EVC2: variants seen among roughly 807,000 people sequenced by gnomAD.
EVC2 encodes the protein limbin.
EVC2 carries 148 observed loss-of-function variants against 149.3 expected under a neutral mutation model. The observed-to-expected ratio is 0.99, with a 90% CI of 0.87 to 1.14. EVC2 has a LOEUF of 1.14. EVC2 is among the 50% of genes most tolerant of loss of function. EVC2 has a pLI of 0.00. For synonymous variants in EVC2, 776 were observed against 649.9 expected (o/e 1.19, Z -2.95); for missense variants, 1,854 against 1,627.3 (o/e 1.14, Z -2.40).
rs1720684917 is a variant in EVC2, at chr4:5,686,078, TACACACACATATATATTACAC to T, written c.707-620_707-600del. On this transcript the variant is annotated intron_variant, in intron 5 of 21. Coordinates refer to ENST00000344408, the MANE Select transcript of EVC2 (RefSeq NM_147127.5). This position sits in a 1 kb window ranked among gnomAD's most constrained non-coding sequence, Gnocchi z 5.4. Reference sequence around the variant, plus strand: ...TATATACACACATATATAACATATATACACACACATATATATTACACACACACACACACACACACACACACA... The same window carrying T: ...TATATACACACATATATAACATATATACACACACACACACACACACACACA... 7.6e-6 allele frequency among the ~76,000 whole-genome samples: 1 copy of T among 132,128 alleles called. No homozygotes were observed. Among genetic ancestry groups the T allele is most frequent in the Non-Finnish European group, 1.6e-5 (1 of 63,340 alleles). 86.7% of individuals were successfully genotyped at this position (132,128 alleles called of 152,430 possible).
At chr4:5,645,247 C>G (rs1435662241) in intron 9 of EVC2, among the ~76,000 whole-genome samples, 9 of 89,516 alleles carry the variant, frequency 1.0e-4, no homozygotes, top group African/African-American at 4.2e-4. Context: ...TAACATCCAC[C>G]TCTTTTTTTT....
chr4:5,636,484 A>G lies in EVC2; in HGVS notation c.1470+4030T>C, dbSNP rs967002288. Among the ~76,000 whole-genome samples, 17 of 152,136 alleles carry G rather than the reference A, an allele frequency of 1.1e-4. No individual in the cohort carries two copies. Among genetic ancestry groups the G allele is most frequent in the Admixed American group, 1.1e-3 (17 of 15,286 alleles). ...AACAACATTCCCTAAACTATTTTTT[A>G]TGCATTTATACAAACTATTTATAAC... is the stretch of plus-strand genomic sequence containing the variant. On this transcript the variant is annotated intron_variant, in intron 10 of 21. Coordinates refer to ENST00000344408, the MANE Select transcript of EVC2 (RefSeq NM_147127.5). This position sits in a 1 kb window ranked among gnomAD's most constrained non-coding sequence, Gnocchi z 4.6.
At chr4:5,708,626 G>T, upstream of EVC2, 1 of 745,954 alleles carries the variant, frequency 1.3e-6, no homozygotes, top group Non-Finnish European at 1.9e-6. Flanking sequence ...GCCGCCGAAA[G>T]TTTTCTGGAA....
chr4:5,535,768 G>A, the EVC2 span, among the ~76,000 whole-genome samples: 9 of 152,148 alleles, frequency 5.9e-5, no homozygotes, highest in Non-Finnish European at 7.3e-5. This position sits in a 1 kb window ranked among gnomAD's most constrained non-coding sequence, Gnocchi z 4.7. Context: ...TTAGGGGCTG[G>A]GGCTTTAACA....
chr4:5,556,271 G>C (rs1305416470), intron 21 of EVC2, among the ~76,000 whole-genome samples: 1 of 142,282 alleles, frequency 7.0e-6, no homozygotes, highest in African/African-American at 2.7e-5. Context: ...AATTAAACTA[G>C]AAATCAATAA....
rs1377657144 is a variant in EVC2 at position 5,562,606 on chromosome 4, G to A, written c.*242C>T. ...GTGGGGGTCTCCTCCAGGGCCCTGG[G>A]GAGGTGGGGCTGAAAGAAGGAGTGT... is the stretch of plus-strand genomic sequence containing the variant. On this transcript the variant is annotated 3_prime_UTR_variant, in exon 22 of 22. Transcript: ENST00000344408. The surrounding 1 kb of genome is among the most constrained non-coding windows in gnomAD (Gnocchi z 4.3). 7.2e-7 allele frequency: 1 copy of A among 1,393,666 alleles called. No homozygotes were observed. Among genetic ancestry groups the A allele is most frequent in the African/African-American group, 1.5e-5 (1 of 68,878 alleles). The allele number at this position is 1,393,666 out of a possible 1,614,324, so 86.3% of individuals were successfully genotyped here.
chr4:5,680,355 A>G (rs762547252), intron 7 of EVC2, among the ~76,000 whole-genome samples: 1 of 152,188 alleles, frequency 6.6e-6, no homozygotes, highest in Non-Finnish European at 1.5e-5. Context: ...AGTAGGTTTC[A>G]CACCAGAATC....
At chr4:5,688,771 A>G (rs976180487) in intron 5 of EVC2, among the ~76,000 whole-genome samples, 4 of 152,272 alleles carry the variant, frequency 2.6e-5, no homozygotes, top group African/African-American at 9.6e-5. Context: ...AACCCAAAAC[A>G]AACTCTTCAT....
chr4:5,671,140 C>T (rs75081975), intron 7 of EVC2, among the ~76,000 whole-genome samples: 12,162 of 152,180 alleles, frequency 0.08, 567 homozygotes, highest in African/African-American at 0.12. Context: ...ATTTTAACCA[C>T]CACTTTATAA....
rs190183816 is a variant in EVC2 at position 5,545,320 on chromosome 4, T to C, written c.3420-2108A>G. ...TCCACTTTCAGGCCAGGGAAGTCAG[T>C]ATGGTGTGTTAGAAAGAACACAGGC... On this transcript the variant is annotated intron_variant and NMD_transcript_variant, in intron 21 of 22. Transcript: ENST00000475313. Among the ~76,000 whole-genome samples the C allele has an allele frequency of 2.1e-4, 32 of 152,184 alleles. No homozygotes were observed. In the East Asian group the frequency reaches 5.4e-3, roughly 26 times the overall value.
At chr4:5,685,309 A>G (rs1332969741) in intron 6 of EVC2, 61 bp downstream of exon 6, 2 of 1,511,314 alleles carry the variant, frequency 1.3e-6, no homozygotes, top group African/African-American at 1.4e-5. Flanking sequence ...AAGTGTCCCT[A>G]TTTCTAAAAC....
At chr4:5,673,502 G>A in intron 7 of EVC2, among the ~76,000 whole-genome samples, 1 of 152,140 alleles carries the variant, frequency 6.6e-6, no homozygotes, top group East Asian at 1.9e-4. Flanking sequence ...AGATTCCAAA[G>A]AGCATCTTTA....
intron 9 of EVC2, among the ~76,000 whole-genome samples, chr4:5,662,761 C>G (rs1718986072): frequency 6.6e-6 from 1 of 150,492 alleles, no homozygotes; most frequent in South Asian, 2.1e-4. Context: ...ATGCCACCTC[C>G]TCCAGGAAGC....
At chr4:5,602,466 T>C (rs1419500849) in intron 16 of EVC2, among the ~76,000 whole-genome samples, 1 of 152,020 alleles carries the variant, frequency 6.6e-6, no homozygotes, top group African/African-American at 2.4e-5. Flanking sequence ...TGAATAATAA[T>C]TAAGTGCTTA....
intron 21 of EVC2, among the ~76,000 whole-genome samples, chr4:5,552,391 T>C (rs1288189641): frequency 6.6e-6 from 1 of 152,222 alleles, no homozygotes; most frequent in African/African-American, 2.4e-5. Flanking sequence ...CTGGTGTACC[T>C]TTTTCTATTT....
At chr4:5,616,571 C>T (rs575707482) in intron 15 of EVC2, among the ~76,000 whole-genome samples, 1 of 152,314 alleles carries the variant, frequency 6.6e-6, no homozygotes, top group East Asian at 1.9e-4. Context: ...CATTGCTCCA[C>T]CTGGCCCCGT....
downstream of EVC2, among the ~76,000 whole-genome samples, chr4:5,541,693 G>A (rs1721516975): frequency 6.6e-6 from 1 of 152,118 alleles, no homozygotes. Flanking sequence ...AGTGCCTCTC[G>A]CCAGCTTGGT....
In EVC2 at chr4:5,708,514, C is replaced by T. The variant is rs971774242; in HGVS notation, c.-1G>A. 1.4e-6 allele frequency: 2 copies of T among 1,464,656 alleles called. No homozygotes were observed. Among genetic ancestry groups the T allele is most frequent in the Admixed American group, 2.5e-5 (1 of 40,570 alleles). 90.7% of individuals were successfully genotyped at this position (1,464,656 alleles called of 1,614,324 possible). ...GCCCCCGGGAGCCCGAGGGGTCCAT[C>T]GCCTGTCGGGACCCGCTACCTCAAA... On this transcript the variant is annotated 5_prime_UTR_variant, in exon 1 of 22. Coordinates refer to ENST00000344408, the MANE Select transcript of EVC2 (RefSeq NM_147127.5).
At chr4:5,620,661 G>A (rs979375684) in intron 14 of EVC2, among the ~76,000 whole-genome samples, 1 of 152,168 alleles carries the variant, frequency 6.6e-6, no homozygotes, top group Non-Finnish European at 1.5e-5. Flanking sequence ...TGCGTACACT[G>A]TGAGTCGATC....
Sources: allele counts gnomAD v4.1 joint callset (sites outside exome capture counted in the v4.1 genomes callset), GRCh38; gene constraint gnomAD v4.1.1; non-coding constraint Gnocchi (gnomAD v3.1); transcripts MANE v1.5; gene names NCBI Gene and HGNC (gene_info 2026-07-23, HGNC 2026-07-21).